The following DZIP3 variants were observed in gnomAD, a reference collection of about 807,000 sequenced individuals.
The protein encoded by DZIP3 is E3 ubiquitin-protein ligase DZIP3.
DZIP3 carries 118 observed loss-of-function variants against 162.0 expected under a neutral mutation model. The observed-to-expected ratio is 0.73, with a 90% CI of 0.63 to 0.85. The LOEUF (loss-of-function observed/expected upper bound fraction) is 0.85. DZIP3 is among the 40% of genes least tolerant of loss of function. DZIP3 has a pLI of 0.00. For synonymous variants in DZIP3, 438 were observed against 458.6 expected, an observed-to-expected ratio of 0.96 and a Z score of 0.57; for missense variants, 1,331 against 1,407.0, an observed-to-expected ratio of 0.95 and a Z score of 0.86.
intron 1 of DZIP3, among the ~76,000 whole-genome samples, chr3:108,599,217 G>A (rs1305977479): frequency 6.6e-6 from 1 of 152,178 alleles, no homozygotes; most frequent in Non-Finnish European, 1.5e-5. Context: ...AACATAAACA[G>A]TGATCTTTTG....
At chr3:108,656,533 A>G (rs976317817) in intron 19 of DZIP3, among the ~76,000 whole-genome samples, 29 of 151,802 alleles carry the variant, frequency 1.9e-4, no homozygotes, top group African/African-American at 6.6e-4. Flanking sequence ...ATAAAACCAC[A>G]AAGATGGGGA....
chr3:108,592,711 A>G (rs1200272938), intron 1 of DZIP3, among the ~76,000 whole-genome samples: 2 of 151,826 alleles, frequency 1.3e-5, no homozygotes, highest in African/African-American at 4.8e-5. Flanking sequence ...GTCTCAAAAA[A>G]AAAAAAAAAA....
intron 8 of DZIP3, among the ~76,000 whole-genome samples, chr3:108,632,126 A>G (rs368795243): frequency 1.1e-4 from 17 of 152,218 alleles, no homozygotes; most frequent in Non-Finnish European, 1.9e-4. Context: ...TTGTAACACT[A>G]TCCCTCTAAA....
intron 27 of DZIP3, among the ~76,000 whole-genome samples, chr3:108,685,475 C>G (rs13096130): frequency 0.36 from 54,117 of 151,786 alleles, 10,230 homozygotes; most frequent in East Asian, 0.53. Context: ...CCCATTAGAG[C>G]CTTACATAAA....
chr3:108,591,122 G>A (rs1939387951), intron 1 of DZIP3, among the ~76,000 whole-genome samples: 1 of 152,204 alleles, frequency 6.6e-6, no homozygotes, highest in Non-Finnish European at 1.5e-5. Context: ...AGTTGAGAAA[G>A]GGAGCCATAT....
intron 25 of DZIP3, among the ~76,000 whole-genome samples, chr3:108,676,616 A>G (rs1944120375): frequency 6.6e-6 from 1 of 152,028 alleles, no homozygotes; most frequent in South Asian, 2.1e-4. Context: ...ATCAGCAAAA[A>G]AAAAAGCATT....
chr3:108,638,067 A>G (rs900700441), intron 12 of DZIP3, among the ~76,000 whole-genome samples: 4 of 152,146 alleles, frequency 2.6e-5, no homozygotes, highest in African/African-American at 4.8e-5. Context: ...CCATTTTTCA[A>G]TCTAGTAGGG....
chr3:108,665,418 AG>A (rs1395083579), intron 21 of DZIP3, among the ~76,000 whole-genome samples: 5 of 152,162 alleles, frequency 3.3e-5, no homozygotes, highest in African/African-American at 1.2e-4. Context: ...CTCAATCTGA[AG>A]AACAAAGAGA....
chr3:108,684,217 T>A lies in DZIP3; in HGVS notation c.2885T>A (p.Met962Lys), dbSNP rs745697984. Residue 962 changes from methionine (M) to lysine (K), a missense_variant and splice_region_variant, in exon 27 of 33, where the codon ATG becomes AAG. Physicochemically the swap from Met to Lys is moderately conservative, Grantham distance 95 (BLOSUM62 -1). Coordinates refer to ENST00000361582, the MANE Select transcript of DZIP3 (RefSeq NM_014648.4). Reference sequence around the variant, plus strand: ...TATTGTTTATATTTTCTATTTTAGATGCAGCAGTTCTTAGGAAGACCTCTT... The same window carrying A: ...TATTGTTTATATTTTCTATTTTAGAAGCAGCAGTTCTTAGGAAGACCTCTT... Reference protein sequence around the residue: ...PPPPPSPEILMQQFLGRPLVK... With the variant: ...PPPPPSPEILKQQFLGRPLVK... 6.2e-7 allele frequency: 1 copy of A among 1,605,652 alleles called. No individual in the cohort carries two copies. The highest frequency in any genetic ancestry group is 1.1e-5 in the South Asian group (1 of 89,384).
intron 18 of DZIP3, among the ~76,000 whole-genome samples, chr3:108,652,862 G>A (rs1942927007): frequency 6.6e-6 from 1 of 151,900 alleles, no homozygotes; most frequent in African/African-American, 2.4e-5. Flanking sequence ...CAGGTTTGTA[G>A]CCTAGGAGCA....
chr3:108,667,172 G>A (rs1264834171), intron 21 of DZIP3, among the ~76,000 whole-genome samples: 1 of 151,678 alleles, frequency 6.6e-6, no homozygotes, highest in Non-Finnish European at 1.5e-5. Context: ...AAGAAACTGA[G>A]AAAGAATGAG....
intron 19 of DZIP3, among the ~76,000 whole-genome samples, chr3:108,660,557 C>G (rs897712639): frequency 6.6e-5 from 10 of 152,008 alleles, no homozygotes; most frequent in African/African-American, 2.4e-4. Context: ...CTAGGCAATA[C>G]CATTCAGGAC....
rs564280068 is a variant in DZIP3 at position 108,660,585 on chromosome 3, C to G, written c.2200-1292C>G. On this transcript the variant is annotated intron_variant, in intron 19 of 32. Transcript: ENST00000361582. Reference sequence around the variant, plus strand: ...TTCAGGACATAGGCATGGGCAAGGACTTCATGTCTAAAACACCAAAAGCAA... The same window carrying G: ...TTCAGGACATAGGCATGGGCAAGGAGTTCATGTCTAAAACACCAAAAGCAA... Among the ~76,000 whole-genome samples the G allele has an allele frequency of 7.3e-5, 11 of 149,916 alleles. No individual in the cohort carries two copies. The East Asian group carries it at 1.9e-3, about 26-fold the overall frequency.
chr3:108,678,376 A>G (rs1009183531), intron 26 of DZIP3, among the ~76,000 whole-genome samples: 6 of 152,074 alleles, frequency 3.9e-5, no homozygotes, highest in African/African-American at 1.4e-4. Flanking sequence ...TCTTGAAAAA[A>G]TTATCTTCCA....
chr3:108,688,598 A>G lies in DZIP3; in HGVS notation c.3276A>G (p.Gln1092=), dbSNP rs1365635283. 1 of 1,609,816 alleles carries G rather than the reference A, an allele frequency of 6.2e-7. No individual in the cohort carries two copies. ...CATTATGTTCTTATTTTCAGAGTCAAGGAAAATCAGTGTCAAATGTTAATT... is the reference window on the plus strand; with the variant it reads ...CATTATGTTCTTATTTTCAGAGTCAGGGAAAATCAGTGTCAAATGTTAATT... ...QFIDPKKSQS[Q]GKSVSNVNCV... is the part of the protein sequence containing the mutation. The change falls in exon 30 of 33, where the codon CAA becomes CAG. Residue 1092 remains glutamine (Q), a synonymous_variant. Coordinates refer to ENST00000361582, the MANE Select transcript of DZIP3 (RefSeq NM_014648.4).
chr3:108,686,893 T>TAG (rs1944518686), intron 28 of DZIP3, among the ~76,000 whole-genome samples: 1 of 152,184 alleles, frequency 6.6e-6, no homozygotes, highest in Non-Finnish European at 1.5e-5. Flanking sequence ...CTGCCATTAT[T>TAG]ATCTTAACCT....
intron 8 of DZIP3, among the ~76,000 whole-genome samples, chr3:108,632,545 A>G (rs1268555315): frequency 6.6e-6 from 1 of 152,258 alleles, no homozygotes; most frequent in African/African-American, 2.4e-5. Flanking sequence ...CTGCCAATGC[A>G]GTGACCTACA....
At chr3:108,675,708 A>T (rs1944081335) in intron 24 of DZIP3, 78 bp from the exon 25 acceptor site, 2 of 1,276,840 alleles carry the variant, frequency 1.6e-6, no homozygotes, top group Admixed American at 5.4e-5. Context: ...ATATGCTAGA[A>T]AGCGTGATAG....
chr3:108,652,650 T>C (rs1429524635), intron 18 of DZIP3, among the ~76,000 whole-genome samples: 2 of 151,770 alleles, frequency 1.3e-5, no homozygotes, highest in Non-Finnish European at 3.0e-5. Flanking sequence ...TATACAATAC[T>C]CACCTCTCAT....
Sources: allele counts gnomAD v4.1 joint callset (sites outside exome capture counted in the v4.1 genomes callset), GRCh38; gene constraint gnomAD v4.1.1; transcripts MANE v1.5; gene names NCBI Gene and HGNC (gene_info 2026-07-23, HGNC 2026-07-21).